ZNF654: variants seen among roughly 807,000 people sequenced by gnomAD.
The protein encoded by ZNF654 is melanoma-associated antigen.
In ZNF654, 19 loss-of-function variants were observed where a neutral mutation model predicts 95.3. That is an observed-to-expected ratio of 0.20 (90% CI 0.14 to 0.29). The LOEUF is 0.29. Ranked by LOEUF, ZNF654 falls within the 10% of genes least tolerant of loss-of-function variation. The probability of loss-of-function intolerance (pLI) is 1.00; values close to 1 mark genes in which losing one functional copy is unlikely to be tolerated. For synonymous variants in ZNF654, 413 were observed against 457.9 expected, an observed-to-expected ratio of 0.90 and a Z score of 1.25; for missense variants, 1,046 against 1,341.0, an observed-to-expected ratio of 0.78 and a Z score of 3.44.
At chr3:88,066,241 T>C (rs1276697357) in intron 1 of ZNF654, among the ~76,000 whole-genome samples, 1 of 152,190 alleles carries the variant, frequency 6.6e-6, no homozygotes, top group African/African-American at 2.4e-5. Context: ...ACATGACTAT[T>C]ATTGCTTTCC....
chr3:88,074,989 T>C lies in ZNF654; in HGVS notation c.187-11268T>C, dbSNP rs181657735. On this transcript the variant is annotated intron_variant, in intron 1 of 8. Transcript: ENST00000636215. ...TCTGTTTGCCATATTTTGTGGAGGG[T>C]GCTCTTACCCTGACCATTTCCTCCT... is the stretch of plus-strand genomic sequence containing the variant. Among the ~76,000 whole-genome samples the C allele has an allele frequency of 2.6e-4, 40 of 152,286 alleles. No individual in the cohort carries two copies. In the East Asian group the frequency reaches 7.7e-3, roughly 29 times the overall value.
At chr3:88,111,322 CAG>C (rs1466826309) in intron 2 of ZNF654, among the ~76,000 whole-genome samples, 1 of 151,918 alleles carries the variant, frequency 6.6e-6, no homozygotes, top group Non-Finnish European at 1.5e-5. Flanking sequence ...TTACCCTTTG[CAG>C]AGTCAGTTGC....
At position 88,113,097 on chromosome 3, in the gene ZNF654, T is replaced by C. The variant is rs2107766840; in HGVS notation, c.333-18T>C. The C allele has an allele frequency of 6.7e-7, 1 of 1,492,330 alleles. No homozygotes were observed. Among genetic ancestry groups the C allele is most frequent in the Non-Finnish European group, 9.0e-7 (1 of 1,111,500 alleles). The allele number at this position is 1,492,330 out of a possible 1,614,324, so 92.4% of individuals were successfully genotyped here. A position where few individuals can be genotyped will look rare whatever the true frequency, so the allele number is the denominator to read the frequency against. On this transcript the variant is annotated intron_variant, in intron 2 of 8. Coordinates refer to ENST00000636215, the MANE Select transcript of ZNF654 (RefSeq NM_001350134.2). ...AAACTCAAAGAAGCAATGAAAGTTA[T>C]TCACTTATTCTTTCTAGGAGTTTCT...
chr3:88,071,328 G>A lies in ZNF654; in HGVS notation c.186+11823G>A, dbSNP rs1178047368. On this transcript the variant is annotated intron_variant, in intron 1 of 8. Coordinates refer to ENST00000636215, the MANE Select transcript of ZNF654 (RefSeq NM_001350134.2). ...AGTTTGAGACCAGCCTGGCCAACAT[G>A]GTGAAACCCTGTCCCTACTAAAGAC... is the stretch of plus-strand genomic sequence containing the variant. 4.6e-5 allele frequency among the ~76,000 whole-genome samples: 7 copies of A among 151,992 alleles called. No individual in the cohort carries two copies. In the East Asian group the frequency reaches 1.2e-3, roughly 25 times the overall value.
chr3:88,060,349 TCAAATATAA>T (rs1706796909), intron 1 of ZNF654, among the ~76,000 whole-genome samples: 1 of 152,218 alleles, frequency 6.6e-6, no homozygotes. Flanking sequence ...GTGTTTGTAA[TCAAATATAA>T]CAAATATACC....
Position 88,129,770 on chromosome 3 carries a change from A to C in ZNF654, c.837A>C (p.Gln279His), listed in dbSNP as rs1334370896. ...EKEGKTMLAL[Q>H]LCESFLIPQL... The stretch of plus-strand genomic sequence containing the variant: ...AAGGCAAAACTATGTTAGCCTTGCA[A>C]CTCTGTGAATCCTTTCTTATTCCAC... The change falls in exon 6 of 9, where the codon CAA (glutamine) becomes CAC (histidine). Residue 279 changes from glutamine to histidine, a missense_variant. By Grantham distance (24) the Gln-to-His change is conservative (BLOSUM62 0). Transcript: ENST00000636215. 5.2e-6 allele frequency: 8 copies of C among 1,528,634 alleles called. No individual in the cohort carries two copies. Among genetic ancestry groups the C allele is most frequent in the Non-Finnish European group, 6.1e-6 (7 of 1,141,804 alleles). 94.7% of individuals were successfully genotyped at this position (1,528,634 alleles called of 1,614,324 possible). A position where few individuals can be genotyped will look rare whatever the true frequency, so the allele number is the denominator to read the frequency against.
At chr3:88,119,000 G>A (rs1413126724) in intron 3 of ZNF654, among the ~76,000 whole-genome samples, 4 of 148,552 alleles carry the variant, frequency 2.7e-5, no homozygotes, top group South Asian at 2.2e-4. Context: ...ATCTAGAACT[G>A]GAAATACCAT....
At chr3:88,060,260 C>A (rs1167713936) in intron 1 of ZNF654, among the ~76,000 whole-genome samples, 1 of 152,098 alleles carries the variant, frequency 6.6e-6, no homozygotes, top group Non-Finnish European at 1.5e-5. Context: ...TTTTATTTAG[C>A]CTGTAAAATA....
chr3:88,111,151 G>C (rs1474263460), intron 2 of ZNF654, among the ~76,000 whole-genome samples: 1 of 152,020 alleles, frequency 6.6e-6, no homozygotes, highest in Non-Finnish European at 1.5e-5. Context: ...TTAAAGATGA[G>C]ATAGATGTGA....
intron 4 of ZNF654, 46 bp from the exon 5 acceptor site, chr3:88,128,763 G>C: frequency 7.4e-7 from 1 of 1,343,656 alleles, no homozygotes; most frequent in Non-Finnish European, 1.0e-6. Context: ...AAGTTTGAGA[G>C]AATCTTTTCT....
chr3:88,091,647 G>A (rs935125382), intron 2 of ZNF654, among the ~76,000 whole-genome samples: 1 of 152,114 alleles, frequency 6.6e-6, no homozygotes, highest in Non-Finnish European at 1.5e-5. Context: ...TAATCTCCAC[G>A]TGTCATGGAA....
At chr3:88,135,277 AATTT>A (rs1706706841) in intron 7 of ZNF654, 75 bp downstream of exon 7, 1 of 1,204,476 alleles carries the variant, frequency 8.3e-7, no homozygotes, top group African/African-American at 1.6e-5. Context: ...CTTTTGATAA[AATTT>A]ATTTGATTTT....
chr3:88,089,088 T>TA (rs984447513), intron 2 of ZNF654, among the ~76,000 whole-genome samples: 1 of 151,358 alleles, frequency 6.6e-6, no homozygotes, highest in African/African-American at 2.4e-5. Context: ...AAAACTGTAT[T>TA]AAAAAAATTA....
At chr3:88,088,851 CAACCT>C (rs1162972202) in intron 2 of ZNF654, among the ~76,000 whole-genome samples, 2 of 151,898 alleles carry the variant, frequency 1.3e-5, no homozygotes, top group Non-Finnish European at 2.9e-5. Flanking sequence ...CGGCTCACTG[CAACCT>C]ACATCTCCTG....
At chr3:88,102,061 A>C (rs1264676743) in intron 2 of ZNF654, among the ~76,000 whole-genome samples, 1 of 151,960 alleles carries the variant, frequency 6.6e-6, no homozygotes, top group Non-Finnish European at 1.5e-5. Context: ...TCTTTATCAG[A>C]TATGTGATTT....
In ZNF654 at chr3:88,140,885, T is replaced by TA. The variant is rs774741547; in HGVS notation, c.3217dup (p.Arg1073LysfsTer7). On this transcript the variant is annotated frameshift_variant, in exon 8 of 9. Transcript: ENST00000636215. LOFTEE classifies it high-confidence loss of function. ...CAAAACGCAGAAAATTTCTGACTGATAGAGTAGATGCCTGTTCTGATCAAG... is the reference window on the plus strand; with the variant it reads ...CAAAACGCAGAAAATTTCTGACTGATAAGAGTAGATGCCTGTTCTGATCAAG... 6.2e-7 allele frequency: 1 copy of TA among 1,613,590 alleles called. No individual in the cohort carries two copies. The highest frequency in any genetic ancestry group is 8.5e-7 in the Non-Finnish European group (1 of 1,179,648).
At chr3:88,072,025 A>C (rs1314885868) in intron 1 of ZNF654, among the ~76,000 whole-genome samples, 1 of 152,196 alleles carries the variant, frequency 6.6e-6, no homozygotes, top group African/African-American at 2.4e-5. Context: ...TAGATATCTT[A>C]GGCATAAATC....
intron 3 of ZNF654, among the ~76,000 whole-genome samples, chr3:88,120,133 T>C (rs774060314): frequency 3.9e-5 from 6 of 152,170 alleles, no homozygotes; most frequent in Non-Finnish European, 7.4e-5. Context: ...ATTTTGAGAC[T>C]GAGAGTCATC....
intron 3 of ZNF654, among the ~76,000 whole-genome samples, chr3:88,121,991 T>G (rs2107802592): frequency 6.6e-6 from 1 of 152,318 alleles, no homozygotes; most frequent in Admixed American, 6.5e-5. Context: ...CCTTCCTGTC[T>G]GTTTGAAAAA....
Sources: allele counts gnomAD v4.1 joint callset (sites outside exome capture counted in the v4.1 genomes callset), GRCh38; gene constraint gnomAD v4.1.1; transcripts MANE v1.5; gene names NCBI Gene and HGNC (gene_info 2026-07-23, HGNC 2026-07-21).